TMEM132D: variants seen among roughly 807,000 people sequenced by gnomAD.
The protein encoded by TMEM132D is mature OL transmembrane protein.
Under a neutral mutation model 62.3 loss-of-function variants are expected in TMEM132D, and 21 were observed. That is an observed-to-expected ratio of 0.34 (90% CI 0.24 to 0.49). The LOEUF (loss-of-function observed/expected upper bound fraction) is 0.49. TMEM132D is among the 20% of genes least tolerant of loss of function. TMEM132D has a pLI of 0.99. For synonymous variants in TMEM132D, 621 were observed against 575.6 expected (o/e 1.08, Z -1.13); for missense variants, 1,346 against 1,402.8 (o/e 0.96, Z 0.65).
intron 3 of TMEM132D, among the ~76,000 whole-genome samples, chr12:129,405,151 T>C (rs1871742998): frequency 6.6e-6 from 1 of 152,206 alleles, no homozygotes; most frequent in Non-Finnish European, 1.5e-5. Flanking sequence ...CAGAAATTTG[T>C]TCCTTAACAC....
chr12:129,874,781 A>G (rs1247621896), intron 1 of TMEM132D, among the ~76,000 whole-genome samples: 1 of 145,138 alleles, frequency 6.9e-6, no homozygotes, highest in Non-Finnish European at 1.5e-5. Context: ...GGCTCACTGC[A>G]AATTCCACCT....
intron 1 of TMEM132D, among the ~76,000 whole-genome samples, chr12:129,712,315 G>A (rs1868402946): frequency 2.0e-5 from 3 of 152,012 alleles, no homozygotes; most frequent in Non-Finnish European, 2.9e-5. Context: ...TAGTAGAAAC[G>A]GGGTTTCACC....
intron 3 of TMEM132D, among the ~76,000 whole-genome samples, chr12:129,451,199 T>C (rs1873277631): frequency 6.6e-6 from 1 of 152,182 alleles, no homozygotes; most frequent in African/African-American, 2.4e-5. Flanking sequence ...ATGTGAAGCT[T>C]GGCTAAGGTA....
intron 2 of TMEM132D, among the ~76,000 whole-genome samples, chr12:129,693,908 C>T (rs1881128033): frequency 1.3e-5 from 2 of 152,146 alleles, no homozygotes; most frequent in African/African-American, 2.4e-5. Context: ...AGACATGCTT[C>T]CTAGTAACAC....
At chr12:129,700,779 T>C (rs993194345) in intron 1 of TMEM132D, 81 bp from the exon 2 acceptor site, 32 of 1,472,136 alleles carry the variant, frequency 2.2e-5, no homozygotes, top group Non-Finnish European at 2.7e-5. Flanking sequence ...CGTGCCCCCT[T>C]CATAACAGAG....
intron 4 of TMEM132D, among the ~76,000 whole-genome samples, chr12:129,305,714 C>A (rs1380255683): frequency 6.6e-6 from 1 of 152,140 alleles, no homozygotes; most frequent in Non-Finnish European, 1.5e-5. Context: ...CTCTCTGAAC[C>A]TCAGTTTTGC....
At chr12:129,681,965 A>T (rs12308785) in intron 2 of TMEM132D, among the ~76,000 whole-genome samples, 7 of 152,210 alleles carry the variant, frequency 4.6e-5, no homozygotes, top group African/African-American at 1.7e-4. Context: ...TCAGATTTGA[A>T]GGAGGGACGG....
At chr12:129,124,415 C>T (rs1876153359) in intron 5 of TMEM132D, among the ~76,000 whole-genome samples, 1 of 152,192 alleles carries the variant, frequency 6.6e-6, no homozygotes, top group South Asian at 2.1e-4. Context: ...CCAGTATCGT[C>T]TATGAGATCA....
At chr12:129,602,049 G>C (rs1878496016) in intron 2 of TMEM132D, among the ~76,000 whole-genome samples, 1 of 152,062 alleles carries the variant, frequency 6.6e-6, no homozygotes, top group South Asian at 2.1e-4. Flanking sequence ...GTATAATAAT[G>C]ATTTATTTGT....
At chr12:129,892,878 T>C (rs1207026830) in intron 1 of TMEM132D, among the ~76,000 whole-genome samples, 2 of 151,652 alleles carry the variant, frequency 1.3e-5, no homozygotes, top group African/African-American at 4.8e-5. Context: ...GGACTCTGTT[T>C]GTTTGTTTGT....
At chr12:129,423,077 C>A (rs373139248) in intron 3 of TMEM132D, among the ~76,000 whole-genome samples, 2 of 151,442 alleles carry the variant, frequency 1.3e-5, no homozygotes, top group East Asian at 3.9e-4. Context: ...ATATGTACAT[C>A]TTTATATAAA....
intron 3 of TMEM132D, among the ~76,000 whole-genome samples, chr12:129,502,125 G>A (rs1181001772): frequency 2.0e-5 from 3 of 151,836 alleles, no homozygotes; most frequent in South Asian, 2.1e-4. Context: ...TCAGCCTCCC[G>A]AGTAGCTGGG....
chr12:129,794,077 T>G (rs575695407), intron 1 of TMEM132D, among the ~76,000 whole-genome samples: 9 of 31,240 alleles, frequency 2.9e-4, no homozygotes, highest in African/African-American at 3.7e-4. Context: ...AGTGTATGGG[T>G]TTTTTTTTTT....
chr12:129,809,053 A>G (rs1211193723), intron 1 of TMEM132D, among the ~76,000 whole-genome samples: 3 of 152,196 alleles, frequency 2.0e-5, no homozygotes, highest in Admixed American at 2.0e-4. Context: ...CACGCCTGTA[A>G]TCCCAGCACT....
intron 8 of TMEM132D, 86 bp downstream of exon 8, chr12:129,078,447 GC>G: frequency 4.4e-6 from 6 of 1,371,816 alleles, no homozygotes; most frequent in Non-Finnish European, 6.0e-6. Flanking sequence ...ACTCTATTGT[GC>G]GACCCGCCTG....
At chr12:129,243,645 C>A (rs1347057763) in intron 4 of TMEM132D, among the ~76,000 whole-genome samples, 5 of 152,166 alleles carry the variant, frequency 3.3e-5, no homozygotes, top group Admixed American at 3.3e-4. Flanking sequence ...GCTTCATCTC[C>A]ACAATGATTT....
At chr12:129,320,775 C>T (rs567170890) in intron 4 of TMEM132D, among the ~76,000 whole-genome samples, 2 of 151,994 alleles carry the variant, frequency 1.3e-5, no homozygotes, top group African/African-American at 4.8e-5. Flanking sequence ...GTTTGGAGTA[C>T]AATAGGGGCA....
At chr12:129,461,034 A>G (rs939715756) in intron 3 of TMEM132D, among the ~76,000 whole-genome samples, 1 of 152,188 alleles carries the variant, frequency 6.6e-6, no homozygotes, top group Admixed American at 6.6e-5. Context: ...TGACATGGGT[A>G]TAGGTTCCCA....
At chr12:129,585,444 G>A (rs750617786) in intron 2 of TMEM132D, among the ~76,000 whole-genome samples, 1 of 152,190 alleles carries the variant, frequency 6.6e-6, no homozygotes, top group Non-Finnish European at 1.5e-5. Context: ...TGGAGCAGCC[G>A]CAGGGCTGGC....
Sources: allele counts gnomAD v4.1 joint callset (sites outside exome capture counted in the v4.1 genomes callset), GRCh38; gene constraint gnomAD v4.1.1; transcripts MANE v1.5; gene names NCBI Gene and HGNC (gene_info 2026-07-23, HGNC 2026-07-21).